The following DCC variants were observed in gnomAD, a reference collection of about 807,000 sequenced individuals.
DCC encodes netrin receptor DCC.
DCC carries 58 observed loss-of-function variants against 172.5 expected under a neutral mutation model. The ratio of observed to expected loss-of-function variants is 0.34; its 90% CI spans 0.27 to 0.42. The LOEUF is 0.42. Among genes scored for constraint, DCC ranks in the 10% least tolerant of loss-of-function variants. DCC has a pLI of 1.00. For synonymous variants in DCC, 709 were observed against 644.5 expected (o/e 1.10, Z -1.52); for missense variants, 1,740 against 1,791.0 (o/e 0.97, Z 0.51).
rs938382800 is a variant in DCC at position 53,177,183 on chromosome 18, G to T, written c.1419-1779G>T. ...ATCACACTCTGGGGACTGTTGTGGG[G>T]TGGGGGGAGCGGGGGAGGGATAGCA... On this transcript the variant is annotated intron_variant, in intron 8 of 28. Transcript: ENST00000442544. Among the ~76,000 whole-genome samples the T allele has an allele frequency of 7.9e-5, 12 of 151,226 alleles. 1 individual carries two copies. Among genetic ancestry groups the T allele is most frequent in the African/African-American group, 2.4e-4 (10 of 41,206 alleles).
chr18:52,742,156 C>A (rs999228974), intron 1 of DCC, among the ~76,000 whole-genome samples: 1 of 152,154 alleles, frequency 6.6e-6, no homozygotes, highest in Non-Finnish European at 1.5e-5. Flanking sequence ...TTCCCAGCTT[C>A]TAAGTCTGTG....
rs998354309 is a variant in DCC at position 53,238,295 on chromosome 18, T to G, written c.1911+22698T>G. On this transcript the variant is annotated intron_variant, in intron 12 of 28. Transcript: ENST00000442544. ...TCATGACTCCTAGAATTATTCAATGTGAACACTTTATTGATGATAGATGTT... is the reference window on the plus strand; with the variant it reads ...TCATGACTCCTAGAATTATTCAATGGGAACACTTTATTGATGATAGATGTT... Among the ~76,000 whole-genome samples, 4 of 152,208 alleles carry G rather than the reference T, an allele frequency of 2.6e-5. No homozygotes were observed. In the East Asian group the frequency reaches 5.8e-4, roughly 22 times the overall value.
chr18:52,822,997 T>A (rs908500470), intron 2 of DCC, among the ~76,000 whole-genome samples: 1 of 152,188 alleles, frequency 6.6e-6, no homozygotes, highest in Non-Finnish European at 1.5e-5. Context: ...TTATAATCTT[T>A]TAATCTGGGT....
chr18:52,853,613 A>G (rs1056406473), intron 2 of DCC, among the ~76,000 whole-genome samples: 1 of 152,206 alleles, frequency 6.6e-6, no homozygotes, highest in Non-Finnish European at 1.5e-5. Flanking sequence ...GTTTACCTCC[A>G]GGAATCTGGA....
intron 13 of DCC, among the ~76,000 whole-genome samples, chr18:53,314,427 A>G (rs917886325): frequency 1.3e-5 from 2 of 152,232 alleles, no homozygotes; most frequent in African/African-American, 4.8e-5. Context: ...AGTGCAGTCT[A>G]TCTGTAAGTG....
intron 1 of DCC, among the ~76,000 whole-genome samples, chr18:52,481,582 A>T (rs1294175079): frequency 1.3e-5 from 2 of 151,894 alleles, no homozygotes; most frequent in East Asian, 1.9e-4. Context: ...TTTTTTTTTT[A>T]AACCAAGGTT....
At chr18:52,837,285 T>A (rs1032209066) in intron 2 of DCC, among the ~76,000 whole-genome samples, 4 of 152,238 alleles carry the variant, frequency 2.6e-5, no homozygotes, top group Admixed American at 1.3e-4. Flanking sequence ...TCCTTGTTAC[T>A]TAGGCAAATT....
chr18:52,580,595 T>G (rs1371464421), intron 1 of DCC, among the ~76,000 whole-genome samples: 2 of 152,158 alleles, frequency 1.3e-5, no homozygotes, highest in African/African-American at 4.8e-5. Context: ...CTTAGGAAAG[T>G]TATCTGGTCA....
At chr18:52,701,262 T>G (rs1047624437) in intron 1 of DCC, among the ~76,000 whole-genome samples, 1 of 152,214 alleles carries the variant, frequency 6.6e-6, no homozygotes, top group Non-Finnish European at 1.5e-5. Context: ...TGCTTCTTAT[T>G]GATATCCTAG....
intron 1 of DCC, among the ~76,000 whole-genome samples, chr18:52,387,972 C>A (rs1379147025): frequency 2.0e-5 from 3 of 152,018 alleles, no homozygotes; most frequent in African/African-American, 4.8e-5. Flanking sequence ...CCCTTGACAA[C>A]CCTGGAGGGT....
At chr18:53,344,733 C>T (rs961736622) in intron 15 of DCC, among the ~76,000 whole-genome samples, 2 of 151,342 alleles carry the variant, frequency 1.3e-5, no homozygotes, top group African/African-American at 4.8e-5. Flanking sequence ...ACCACCACAC[C>T]CAGCCTAAAT....
chr18:52,538,417 C>A (rs2032345342), intron 1 of DCC, among the ~76,000 whole-genome samples: 1 of 152,206 alleles, frequency 6.6e-6, no homozygotes, highest in African/African-American at 2.4e-5. Flanking sequence ...AATACACACA[C>A]ATAACCACAC....
chr18:53,187,872 T>C (rs56379285), intron 9 of DCC, among the ~76,000 whole-genome samples: 6,213 of 152,246 alleles, frequency 0.041, 403 homozygotes, highest in African/African-American at 0.14. Context: ...TGAGTTAAAA[T>C]AGAAAGATTT....
intron 3 of DCC, among the ~76,000 whole-genome samples, chr18:52,907,574 C>A (rs186804517): frequency 3.9e-5 from 6 of 152,060 alleles, no homozygotes; most frequent in Admixed American, 3.3e-4. Context: ...GCACCACACC[C>A]GGCTAATTTT....
intron 22 of DCC, among the ~76,000 whole-genome samples, chr18:53,450,124 T>TAC (rs1033474211): frequency 3.0e-4 from 12 of 39,920 alleles, no homozygotes; most frequent in Admixed American, 2.3e-3. Context: ...TAGGGGGATA[T>TAC]ATATATATAT....
rs560384183 is a variant in DCC at position 53,481,713 on chromosome 18, TTTA to T, written c.3737-5078_3737-5076del. On this transcript the variant is annotated intron_variant, in intron 25 of 28. Coordinates refer to ENST00000442544, the MANE Select transcript of DCC (RefSeq NM_005215.4). ...ATGTTGAGAAATATCTAGGGAGGGT[TTTA>T]TTATTTCTTAAACATTGTAGCTTAA... is the stretch of plus-strand genomic sequence containing the variant. 1.7e-3 allele frequency among the ~76,000 whole-genome samples: 253 copies of T among 152,288 alleles called. 4 individuals carry two copies. Among genetic ancestry groups the T allele is most frequent in the Admixed American group, 0.015 (229 of 15,252 alleles).
intron 1 of DCC, among the ~76,000 whole-genome samples, chr18:52,552,401 T>G (rs2032800830): frequency 6.6e-6 from 1 of 152,038 alleles, no homozygotes; most frequent in African/African-American, 2.4e-5. Context: ...GGATACAGTT[T>G]TAAAGGGAAG....
At chr18:52,868,825 T>C (rs2039271041) in intron 2 of DCC, among the ~76,000 whole-genome samples, 1 of 152,112 alleles carries the variant, frequency 6.6e-6, no homozygotes, top group Admixed American at 6.5e-5. Context: ...GGAGTGAGCA[T>C]GGGGTCCAGC....
At chr18:52,928,555 G>T (rs1220472310) in intron 5 of DCC, among the ~76,000 whole-genome samples, 2 of 152,144 alleles carry the variant, frequency 1.3e-5, no homozygotes, top group African/African-American at 4.8e-5. Flanking sequence ...ACATGTGCGT[G>T]CATATTTATA....
Sources: gnomAD v4.1 joint callset for allele counts (sites outside exome capture counted in the v4.1 genomes callset) on GRCh38, gnomAD v4.1.1 for gene constraint, MANE v1.5 for transcripts, NCBI Gene and HGNC (gene_info 2026-07-23, HGNC 2026-07-21) for gene names.